The following PI4KA variants were observed in gnomAD, a reference collection of about 807,000 sequenced individuals.
PI4KA encodes the protein PI4-kinase alpha.
A neutral mutation model predicts 271.4 loss-of-function variants in PI4KA; 122 were observed. The ratio of observed to expected loss-of-function variants is 0.45; its 90% CI spans 0.39 to 0.52. PI4KA has a LOEUF of 0.52. PI4KA is among the 20% of genes least tolerant of loss of function. PI4KA has a pLI of 0.00. For synonymous variants in PI4KA, 1,041 were observed against 1,078.8 expected (o/e 0.96, Z 0.69); for missense variants, 1,969 against 2,769.1 (o/e 0.71, Z 6.48).
At chr22:20,799,389 T>C (rs1010772560) in intron 15 of PI4KA, 113 bp from the exon 16 acceptor site, 3 of 1,038,304 alleles carry the variant, frequency 2.9e-6, no homozygotes, top group African/African-American at 1.7e-5. Flanking sequence ...CTTGATGCAG[T>C]GTTCATCTGA....
chr22:20,818,514 G>A lies in PI4KA; in HGVS notation c.825C>T (p.Ser275=), dbSNP rs779204742. 6 of 1,567,680 alleles carry A rather than the reference G, an allele frequency of 3.8e-6. No homozygotes were observed. Among genetic ancestry groups the A allele is most frequent in the South Asian group, 1.2e-5 (1 of 82,848 alleles). Residue 275 remains serine (S), a synonymous_variant, in exon 7 of 55, where the codon TCC becomes TCT. Transcript: ENST00000255882. Reference sequence around the variant, plus strand: ...AGTAGTGAAAGGCAGATCCTCCAGGGGAACTGGGAGGGGGCATGCCGCGTT... The same window carrying A: ...AGTAGTGAAAGGCAGATCCTCCAGGAGAACTGGGAGGGGGCATGCCGCGTT... ...SPERGMPPPS[S]PGGSAFHYFE...
Position 20,822,583 on chromosome 22 carries a change from T to C in PI4KA, c.456+1743A>G, listed in dbSNP as rs1052507220. Among the ~76,000 whole-genome samples, 3 of 152,234 alleles carry C rather than the reference T, an allele frequency of 2.0e-5. No individual in the cohort carries two copies. In the South Asian group the frequency reaches 6.2e-4, roughly 31 times the overall value. On this transcript the variant is annotated intron_variant, in intron 4 of 54. Coordinates refer to ENST00000255882, the MANE Select transcript of PI4KA (RefSeq NM_058004.4). ...ACAGCACTAGCTTGTTTTGCTCCAA[T>C]GACAGGAGGGTCCTGCTAGGCCGAT...
chr22:20,787,284 G>GT, intron 19 of PI4KA: 1 of 585,646 alleles, frequency 1.7e-6, no homozygotes, highest in Non-Finnish European at 3.1e-6. Context: ...AGAAGTCACT[G>GT]TAACTGTAGT....
intron 1 of PI4KA, among the ~76,000 whole-genome samples, chr22:20,841,889 A>T (rs1441405710): frequency 6.6e-6 from 1 of 152,158 alleles, no homozygotes; most frequent in Non-Finnish European, 1.5e-5. Context: ...CCAGAAATCA[A>T]GGAATGTGGG....
At chr22:20,723,232 G>A (rs1279794028) in intron 42 of PI4KA, among the ~76,000 whole-genome samples, 2 of 151,648 alleles carry the variant, frequency 1.3e-5, no homozygotes, top group Non-Finnish European at 2.9e-5. Flanking sequence ...GTGTTAGCCA[G>A]GATGGTCTCG....
intron 4 of PI4KA, among the ~76,000 whole-genome samples, chr22:20,821,240 C>T (rs893347549): frequency 1.3e-5 from 2 of 152,074 alleles, no homozygotes; most frequent in Admixed American, 1.3e-4. Context: ...TTGTTTGAGA[C>T]GAAGTTTCGC....
At position 20,763,886 on chromosome 22, in the gene PI4KA, G is replaced by A. The variant is rs543399581; in HGVS notation, c.2708+931C>T. Among the ~76,000 whole-genome samples the A allele has an allele frequency of 3.9e-5, 6 of 152,324 alleles. No homozygotes were observed. In the South Asian group the frequency reaches 1.2e-3, roughly 32 times the overall value. On this transcript the variant is annotated intron_variant, in intron 22 of 54. Transcript: ENST00000255882. ...GCAGGGAGGAGGAGACTGAGCAGGAGGGTAGGGTGCATTCCCATGCAACCA... is the reference window on the plus strand; with the variant it reads ...GCAGGGAGGAGGAGACTGAGCAGGAAGGTAGGGTGCATTCCCATGCAACCA...
At chr22:20,842,153 G>A (rs553543417) in intron 1 of PI4KA, among the ~76,000 whole-genome samples, 3 of 152,036 alleles carry the variant, frequency 2.0e-5, no homozygotes, top group South Asian at 2.1e-4. Context: ...GCTTGAACCC[G>A]GGAGGCAGAG....
chr22:20,849,030 A>T (rs1030236039), intron 1 of PI4KA, among the ~76,000 whole-genome samples: 5 of 152,170 alleles, frequency 3.3e-5, no homozygotes, highest in African/African-American at 1.2e-4. Context: ...CTGAATAGAT[A>T]TATCTCCAAA....
In PI4KA at chr22:20,858,558, C is replaced by A. The variant is rs1460478169; in HGVS notation, c.156+12G>T. ...CCTCCTGTCAGCCCGCGGCCCAGCCCGCCGACGTTACCTTCTCCAAGGATG... is the reference window on the plus strand; with the variant it reads ...CCTCCTGTCAGCCCGCGGCCCAGCCAGCCGACGTTACCTTCTCCAAGGATG... On this transcript the variant is annotated intron_variant, in intron 1 of 54. Coordinates refer to ENST00000255882, the MANE Select transcript of PI4KA (RefSeq NM_058004.4). 4 of 1,372,018 alleles carry A rather than the reference C, an allele frequency of 2.9e-6. No homozygotes were observed. The highest frequency in any genetic ancestry group is 2.8e-5 in the Admixed American group (1 of 35,332). 85.0% of individuals were successfully genotyped at this position (1,372,018 alleles called of 1,614,324 possible).
Position 20,818,585 on chromosome 22 carries a change from AC to A in PI4KA, c.790-37del, listed in dbSNP as rs779172561. 17 of 1,444,200 alleles carry A rather than the reference AC, an allele frequency of 1.2e-5. No homozygotes were observed. In the East Asian group the frequency reaches 4.3e-4, roughly 37 times the overall value. The allele number at this position is 1,444,200 out of a possible 1,614,324, so 89.5% of individuals were successfully genotyped here. On this transcript the variant is annotated intron_variant, in intron 6 of 54. Transcript: ENST00000255882. The stretch of plus-strand genomic sequence containing the variant: ...CAACCACAGTTACATATCAGAAAAG[AC>A]CAGTGAGACCTCCATCAGATTTGTC...
At chr22:20,769,357 A>T (rs942383726) in intron 19 of PI4KA, among the ~76,000 whole-genome samples, 1 of 152,028 alleles carries the variant, frequency 6.6e-6, no homozygotes, top group Admixed American at 6.6e-5. Flanking sequence ...CAGAAAGGAG[A>T]TCTGCTCACT....
intron 14 of PI4KA, 75 bp downstream of exon 14, chr22:20,801,898 T>C: frequency 6.6e-7 from 1 of 1,515,120 alleles, no homozygotes; most frequent in South Asian, 1.2e-5. Context: ...AAAAGAAGTA[T>C]AAATGTCTCT....
intron 30 of PI4KA, 39 bp downstream of exon 30, chr22:20,744,589 C>G: frequency 6.9e-7 from 1 of 1,450,056 alleles, no homozygotes; most frequent in South Asian, 1.1e-5. Context: ...AACAAGAGGA[C>G]ACGTTAAAGG....
chr22:20,829,112 G>A (rs1406578431), intron 3 of PI4KA, among the ~76,000 whole-genome samples: 2 of 152,126 alleles, frequency 1.3e-5, no homozygotes, highest in Non-Finnish European at 2.9e-5. Context: ...CTATTGGCCT[G>A]AAGTTTTCTT....
At chr22:20,832,612 C>A (rs1924339053) in intron 3 of PI4KA, among the ~76,000 whole-genome samples, 1 of 152,118 alleles carries the variant, frequency 6.6e-6, no homozygotes, top group South Asian at 2.1e-4. Flanking sequence ...TGCCACCACA[C>A]CTGGCTAATT....
At chr22:20,790,699 A>AACAAACACAC (rs1555896153) in intron 19 of PI4KA, among the ~76,000 whole-genome samples, 2 of 139,386 alleles carry the variant, frequency 1.4e-5, no homozygotes, top group South Asian at 4.8e-4. Flanking sequence ...AAAAAAAACA[A>AACAAACACAC]ACACACACAC....
At position 20,751,757 on chromosome 22, in the gene PI4KA, T is replaced by C. The variant is rs1424433930; in HGVS notation, c.2988-2A>G. The C allele has an allele frequency of 2.5e-6, 4 of 1,613,634 alleles. No homozygotes were observed. The highest frequency in any genetic ancestry group is 3.4e-6 in the Non-Finnish European group (4 of 1,179,700). ...CCGCTCCAGAGCAAGTGGGGAAACC[T>C]GCACCAAGAGCCAGCTCTCAGGACC... On this transcript the variant is annotated splice_acceptor_variant, in intron 25 of 54. Coordinates refer to ENST00000255882, the MANE Select transcript of PI4KA (RefSeq NM_058004.4). LOFTEE classifies it high-confidence loss of function.
chr22:20,814,050 C>T lies in PI4KA; in HGVS notation c.857-544G>A, dbSNP rs1419806698. ...CTGACCTCAAGTGATCCACCTGTCTCGGCCTCCCAAAGTGCTGGGATTACA... is the reference window on the plus strand; with the variant it reads ...CTGACCTCAAGTGATCCACCTGTCTTGGCCTCCCAAAGTGCTGGGATTACA... On this transcript the variant is annotated intron_variant, in intron 7 of 54. Transcript: ENST00000255882. Among the ~76,000 whole-genome samples the T allele has an allele frequency of 7.9e-5, 12 of 152,178 alleles. No individual in the cohort carries two copies. The East Asian group carries it at 9.6e-4, about 12-fold the overall frequency.
Sources: allele counts gnomAD v4.1 joint callset (sites outside exome capture counted in the v4.1 genomes callset), GRCh38; gene constraint gnomAD v4.1.1; transcripts MANE v1.5; gene names NCBI Gene and HGNC (gene_info 2026-07-23, HGNC 2026-07-21).